LOXL4: variants seen among roughly 807,000 people sequenced by gnomAD.
LOXL4 encodes the protein lysyl oxidase homolog 4.
LOXL4 carries 72 observed loss-of-function variants against 89.1 expected under a neutral mutation model. The ratio of observed to expected loss-of-function variants is 0.81; its 90% CI spans 0.67 to 0.98. LOXL4 has a LOEUF of 0.98. LOXL4 is among the 50% of genes least tolerant of loss of function. The pLI is 0.00. For missense variants in LOXL4, 984 were observed against 1,017.5 expected (o/e 0.97, Z 0.45); for synonymous variants, 355 against 392.1 (o/e 0.91, Z 1.12).
chr10:98,263,127 C>T (rs1858596016), intron 1 of LOXL4, 76 bp from the exon 2 acceptor site: 1 of 1,253,238 alleles, frequency 8.0e-7, no homozygotes, highest in African/African-American at 1.5e-5. Context: ...TTGGCAGCTC[C>T]TGGCAAGACA....
intron 12 of LOXL4, 55 bp from the exon 13 acceptor site, chr10:98,251,757 C>A (rs1033972305): frequency 1.3e-6 from 2 of 1,590,504 alleles, no homozygotes; most frequent in African/African-American, 1.3e-5. Flanking sequence ...TCTGCTAGGT[C>A]TTTTATTTCC....
At position 98,268,165 on chromosome 10, in the gene LOXL4, G is replaced by C. The variant is rs1314929414; in HGVS notation, c.-66C>G. ...GCGCGGACAGTCCGGGGCTGGGCGG[G>C]CGCCGCGGCGGAGCAGCGCTAACGG... On this transcript the variant is annotated 5_prime_UTR_variant, in exon 1 of 15. Transcript: ENST00000260702. 7 of 152,100 alleles carry C rather than the reference G, an allele frequency of 4.6e-5. No homozygotes were observed. The highest frequency in any genetic ancestry group is 1.7e-4 in the African/African-American group (7 of 41,536). 9.4% of individuals were successfully genotyped at this position (152,100 alleles called of 1,614,324 possible). A position where few individuals can be genotyped will look rare whatever the true frequency, so the allele number is the denominator to read the frequency against.
Position 98,258,038 on chromosome 10 carries a change from GAC to G in LOXL4, c.1046_1047del (p.Cys349SerfsTer28), listed in dbSNP as rs1858431652. 1.2e-6 allele frequency: 2 copies of G among 1,613,884 alleles called. No individual in the cohort carries two copies. The highest frequency in any genetic ancestry group is 1.7e-6 in the Non-Finnish European group (2 of 1,180,026). On this transcript the variant is annotated frameshift_variant, in exon 7 of 15. Coordinates refer to ENST00000260702, the MANE Select transcript of LOXL4 (RefSeq NM_032211.7). LOFTEE classifies it high-confidence loss of function. ...RWNLISASVV[C>X]RQLGFGSARE... ...CGAGCAGAGCCAAAGCCCAGCTGAC[GAC>G]ACACGACACTGGCAGAGATGAGGTT...
In LOXL4 at chr10:98,248,968, C is replaced by G. The variant is rs1177480694; in HGVS notation, c.2224G>C (p.Glu742Gln). ...CGCTGTTCCTGCTCCAGGGAGAGTT[C>G]TGCATTGGCTGGGTATGAATTCCCT... The part of the protein sequence containing the change: ...HTGNSYPANA[E>Q]LSLEQEQRLR... The change falls in exon 15 of 15, where the codon GAA becomes CAA. Residue 742 changes from glutamate (E) to glutamine (Q), a missense_variant. Physicochemically the swap from Glu to Gln is conservative, Grantham distance 29 (BLOSUM62 2). Coordinates refer to ENST00000260702, the MANE Select transcript of LOXL4 (RefSeq NM_032211.7). The G allele has an allele frequency of 8.7e-6, 14 of 1,613,942 alleles. No homozygotes were observed. Among genetic ancestry groups the G allele is most frequent in the Non-Finnish European group, 1.2e-5 (14 of 1,179,962 alleles).
At chr10:98,258,876 C>T (rs1262792602) in intron 6 of LOXL4, 133 bp downstream of exon 6, 5 of 655,892 alleles carry the variant, frequency 7.6e-6, no homozygotes, top group Non-Finnish European at 1.1e-5. Flanking sequence ...TTCTACAGTT[C>T]TGTGATTCAC....
rs571722347 is a variant in LOXL4, at chr10:98,255,299, T to C, written c.1591+278A>G. Among the ~76,000 whole-genome samples the C allele has an allele frequency of 6.6e-5, 10 of 152,376 alleles. 1 individual carries two copies. Among genetic ancestry groups the C allele is most frequent in the Admixed American group, 5.9e-4 (9 of 15,308 alleles). On this transcript the variant is annotated intron_variant, in intron 10 of 14. Transcript: ENST00000260702. ...GCTGTTTTCTGTCCTGTTTCATTGT[T>C]TGTAACTGTTGGTCATAACCCAAAG... is the stretch of plus-strand genomic sequence containing the variant.
At position 98,251,064 on chromosome 10, in the gene LOXL4, C is replaced by A. The variant is rs2135822652; in HGVS notation, c.2200+1G>T. 6.2e-7 allele frequency: 1 copy of A among 1,611,336 alleles called. No homozygotes were observed. Among genetic ancestry groups the A allele is most frequent in the South Asian group, 1.1e-5 (1 of 90,958 alleles). On this transcript the variant is annotated splice_donor_variant, in intron 14 of 14. Coordinates refer to ENST00000260702, the MANE Select transcript of LOXL4 (RefSeq NM_032211.7). LOFTEE classifies it high-confidence loss of function. Reference sequence around the variant, plus strand: ...CTGATTCCACAGTGGCTCGGAGTTACCTGTGTGGCAGTTGTGCAGCCAGAC... The same window carrying A: ...CTGATTCCACAGTGGCTCGGAGTTAACTGTGTGGCAGTTGTGCAGCCAGAC...
intron 3 of LOXL4, among the ~76,000 whole-genome samples, chr10:98,261,772 C>G (rs1465376423): frequency 6.6e-6 from 1 of 152,230 alleles, no homozygotes; most frequent in Non-Finnish European, 1.5e-5. Context: ...GAGCCCCTTA[C>G]CCAATGCTGT....
At chr10:98,257,026 C>A in intron 8 of LOXL4, 79 bp from the exon 9 acceptor site, 3 of 1,493,642 alleles carry the variant, frequency 2.0e-6, no homozygotes, top group Non-Finnish European at 1.8e-6. Context: ...GAGGTCTGCC[C>A]AAGCCAGCTC....
intron 8 of LOXL4, 45 bp from the exon 9 acceptor site, chr10:98,256,992 G>C: frequency 6.3e-7 from 1 of 1,594,846 alleles, no homozygotes; most frequent in Non-Finnish European, 8.5e-7. Flanking sequence ...GCCTTGCAGG[G>C]AAGAGCTCAG....
rs17855436 is a variant in LOXL4 at position 98,263,013 on chromosome 10, A to G, written c.7T>C (p.Trp3Arg). The G allele has an allele frequency of 6.2e-7, 1 of 1,613,144 alleles. No individual in the cohort carries two copies. The highest frequency in any genetic ancestry group is 1.3e-5 in the African/African-American group (1 of 75,044). ...AGAAAGAGGGTGGCTGGTGGGGACC[A>G]CGCCATGGTGACTTCAAGGACAGCT... MA[W>R]SPPATLFLFL... The change falls in exon 2 of 15, where the codon TGG becomes CGG. Residue 3 changes from tryptophan to arginine, a missense_variant. Coordinates refer to ENST00000260702, the MANE Select transcript of LOXL4 (RefSeq NM_032211.7).
At position 98,262,177 on chromosome 10, in the gene LOXL4, G is replaced by C. The variant is rs761385697; in HGVS notation, c.314C>G (p.Thr105Arg). Residue 105 changes from threonine to arginine, a missense_variant, in exon 3 of 15, where the codon ACA (threonine) becomes AGA (arginine). Coordinates refer to ENST00000260702, the MANE Select transcript of LOXL4 (RefSeq NM_032211.7). ...IWLDNVRCVG[T>R]ESSLDQCGSN... is the part of the protein sequence containing the mutation. ...CCCGCACTGGTCCAAGGAGCTCTCT[G>C]TGCCCACACAGCGCACATTGTCCAG... 6.8e-6 allele frequency: 11 copies of C among 1,613,756 alleles called. No individual in the cohort carries two copies. Among genetic ancestry groups the C allele is most frequent in the South Asian group, 4.4e-5 (4 of 91,070 alleles).
Position 98,261,107 on chromosome 10 carries a change from C to T in LOXL4, c.477G>A (p.Val159=), listed in dbSNP as rs1858527075. The T allele has an allele frequency of 6.2e-7, 1 of 1,612,756 alleles. No individual in the cohort carries two copies. The highest frequency in any genetic ancestry group is 8.5e-7 in the Non-Finnish European group (1 of 1,180,018). Residue 159 remains valine, a synonymous_variant, in exon 4 of 15, where the codon GTG becomes GTA. Transcript: ENST00000260702. ...CACTGGCAAGGATGGGCTTGAGCCG[C>T]ACCTCCTCCAGCCGCCGGCCCTGCG... ...LGPQGRRLEE[V]RLKPILASAK... is the part of the protein sequence containing the mutation.
Position 98,248,901 on chromosome 10 carries a change from A to G in LOXL4, c.*20T>C, listed in dbSNP as rs1858109571. ...GGTATCTGGTGTATCGGCAGCAGCT[A>G]GGAGTGTGCAGTGACAGCTTCAGAT... On this transcript the variant is annotated 3_prime_UTR_variant, in exon 15 of 15. Coordinates refer to ENST00000260702, the MANE Select transcript of LOXL4 (RefSeq NM_032211.7). The G allele has an allele frequency of 1.9e-6, 3 of 1,605,320 alleles. No individual in the cohort carries two copies. The highest frequency in any genetic ancestry group is 2.7e-5 in the African/African-American group (2 of 74,812).
chr10:98,255,843 C>G, intron 9 of LOXL4, 104 bp from the exon 10 acceptor site: 1 of 1,374,460 alleles, frequency 7.3e-7, no homozygotes, highest in East Asian at 2.4e-5. Flanking sequence ...CGGGTTGTGT[C>G]CAGCCTGGGC....
intron 1 of LOXL4, among the ~76,000 whole-genome samples, chr10:98,263,367 T>TA (rs2135845626): frequency 6.6e-6 from 1 of 152,294 alleles, no homozygotes; most frequent in South Asian, 2.1e-4. Context: ...TAAAACACCG[T>TA]ATGGAAAGTG....
intron 6 of LOXL4, among the ~76,000 whole-genome samples, chr10:98,258,797 A>G (rs1207827752): frequency 6.6e-6 from 1 of 152,162 alleles, no homozygotes; most frequent in Non-Finnish European, 1.5e-5. Context: ...CCTTCTATTC[A>G]AGGCGGGTGA....
intron 3 of LOXL4, 99 bp downstream of exon 3, chr10:98,261,936 C>G: frequency 7.9e-7 from 1 of 1,272,948 alleles, no homozygotes; most frequent in Non-Finnish European, 1.1e-6. Context: ...GCAGACTGCA[C>G]CCTTTCCCCT....
chr10:98,255,922 T>A lies in LOXL4; in HGVS notation c.1429-183A>T, dbSNP rs78618340. On this transcript the variant is annotated intron_variant, in intron 9 of 14. Transcript: ENST00000260702. ...CCATGACACATTTGGACCCTTCTGATGTTAGAAATCCCCACCACATATGGA... is the reference window on the plus strand; with the variant it reads ...CCATGACACATTTGGACCCTTCTGAAGTTAGAAATCCCCACCACATATGGA... The A allele has an allele frequency of 2.3e-3, 1,414 of 617,830 alleles. 22 individuals are homozygous for A. In the African/African-American group the frequency reaches 0.023, roughly 10 times the overall value. The allele number at this position is 617,830 out of a possible 1,614,324, so 38.3% of individuals were successfully genotyped here.
Sources: gnomAD v4.1 joint callset for allele counts (sites outside exome capture counted in the v4.1 genomes callset) on GRCh38, gnomAD v4.1.1 for gene constraint, MANE v1.5 for transcripts, NCBI Gene and HGNC (gene_info 2026-07-23, HGNC 2026-07-21) for gene names.